The following FTCDNL1 variants were observed in gnomAD, a reference collection of about 807,000 sequenced individuals.
FTCDNL1 encodes formiminotransferase N-terminal subdomain-containing protein.
A neutral mutation model predicts 5.9 loss-of-function variants in FTCDNL1; 11 were observed. The observed-to-expected ratio is 1.87, with a 90% CI of 1.18 to 3.10. FTCDNL1 has a LOEUF of 3.10. FTCDNL1 is among the 30% of genes most tolerant of loss of function. The probability of loss-of-function intolerance (pLI) is 0.00; values close to 1 mark genes in which losing one functional copy is unlikely to be tolerated. For missense variants in FTCDNL1, 115 were observed against 65.5 expected (o/e 1.76, Z -2.61); for synonymous variants, 58 against 24.8 (o/e 2.34, Z -3.99).
the FTCDNL1 span, among the ~76,000 whole-genome samples, chr2:199,709,734 A>G: frequency 6.6e-6 from 1 of 152,128 alleles, no homozygotes; most frequent in African/African-American, 2.4e-5. Context: ...GAGGTGAGAA[A>G]GCAGAGACAA....
At chr2:199,678,819 A>G in the FTCDNL1 span, among the ~76,000 whole-genome samples, 2 of 152,040 alleles carry the variant, frequency 1.3e-5, no homozygotes, top group African/African-American at 4.8e-5. Flanking sequence ...ACATATTATA[A>G]CTCATTTAAT....
At chr2:199,710,078 A>T in the FTCDNL1 span, among the ~76,000 whole-genome samples, 1 of 152,138 alleles carries the variant, frequency 6.6e-6, no homozygotes, top group Non-Finnish European at 1.5e-5. Flanking sequence ...TGGCAAAAAA[A>T]TTGAGTTGCC....
At chr2:199,748,190 GA>G in the FTCDNL1 span, among the ~76,000 whole-genome samples, 1 of 152,146 alleles carries the variant, frequency 6.6e-6, no homozygotes, top group African/African-American at 2.4e-5. Flanking sequence ...CTCCATATAA[GA>G]AAAGGAAACT....
At chr2:199,745,939 G>T in the FTCDNL1 span, among the ~76,000 whole-genome samples, 1 of 152,078 alleles carries the variant, frequency 6.6e-6, no homozygotes, top group African/African-American at 2.4e-5. Flanking sequence ...TTTTTGAAAA[G>T]ACCTAAAAGC....
chr2:199,755,895 T>G (rs1359977759), downstream of FTCDNL1, among the ~76,000 whole-genome samples: 1 of 152,266 alleles, frequency 6.6e-6, no homozygotes, highest in African/African-American at 2.4e-5. Flanking sequence ...TATTAGCTTC[T>G]GTTATTATGA....
At chr2:199,770,243 G>A (rs1450953811) in intron 3 of FTCDNL1, among the ~76,000 whole-genome samples, 2 of 152,150 alleles carry the variant, frequency 1.3e-5, no homozygotes, top group Non-Finnish European at 2.9e-5. Context: ...CTTGAAAAGA[G>A]GTGTGAGTGC....
chr2:199,728,886 CCCAGGTTT>C, the FTCDNL1 span, among the ~76,000 whole-genome samples: 2 of 152,190 alleles, frequency 1.3e-5, no homozygotes, highest in Non-Finnish European at 2.9e-5. Flanking sequence ...GTGCTTATTT[CCCAGGTTT>C]CCAACAGCTT....
intron 3 of FTCDNL1, among the ~76,000 whole-genome samples, chr2:199,778,550 G>A (rs1699204688): frequency 6.6e-6 from 1 of 152,116 alleles, no homozygotes; most frequent in Non-Finnish European, 1.5e-5. Flanking sequence ...CTCCTTCTAG[G>A]GAGCCAGCAG....
At chr2:199,814,062 TAACA>T (rs1701207595) in intron 4 of FTCDNL1, among the ~76,000 whole-genome samples, 1 of 151,102 alleles carries the variant, frequency 6.6e-6, no homozygotes, top group African/African-American at 2.4e-5. Flanking sequence ...TGCTTCAGAG[TAACA>T]AACAGAGCAA....
intron 3 of FTCDNL1, among the ~76,000 whole-genome samples, chr2:199,820,763 T>C (rs1022699877): frequency 6.6e-6 from 1 of 152,216 alleles, no homozygotes; most frequent in East Asian, 1.9e-4. Flanking sequence ...TGGGCTTTTC[T>C]AGATTACTCC....
At chr2:199,812,917 G>A (rs186534255) in intron 4 of FTCDNL1, among the ~76,000 whole-genome samples, 193 bp from the exon 5 acceptor site, 61 of 152,230 alleles carry the variant, frequency 4.0e-4, no homozygotes, top group African/African-American at 1.4e-3. Context: ...TGACAATTCT[G>A]TTATTTTCTT....
chr2:199,752,113 C>T, the FTCDNL1 span, among the ~76,000 whole-genome samples: 1 of 152,062 alleles, frequency 6.6e-6, no homozygotes, highest in South Asian at 2.1e-4. Context: ...CTTCTTATTT[C>T]CCCCAGCTTC....
the FTCDNL1 span, among the ~76,000 whole-genome samples, chr2:199,749,561 T>C: frequency 6.6e-6 from 1 of 152,174 alleles, no homozygotes; most frequent in African/African-American, 2.4e-5. Flanking sequence ...AAAAGAGTAT[T>C]TGCCAGCTAT....
At chr2:199,665,118 T>C in the FTCDNL1 span, among the ~76,000 whole-genome samples, 1 of 152,208 alleles carries the variant, frequency 6.6e-6, no homozygotes, top group Non-Finnish European at 1.5e-5. Context: ...TCCTTCCTTC[T>C]ACTTCTCTTT....
chr2:199,738,136 A>G, the FTCDNL1 span, among the ~76,000 whole-genome samples: 1 of 152,230 alleles, frequency 6.6e-6, no homozygotes, highest in Non-Finnish European at 1.5e-5. Flanking sequence ...ATTTTGAATC[A>G]TTTTAAGAGC....
intron 3 of FTCDNL1, among the ~76,000 whole-genome samples, chr2:199,765,556 A>ATATATATATTTTT: frequency 4.7e-5 from 2 of 42,658 alleles, no homozygotes; most frequent in Admixed American, 4.3e-4. Flanking sequence ...ATATATATAT[A>ATATATATATTTTT]TTTTTTTTTT....
At chr2:199,688,570 G>C in the FTCDNL1 span, among the ~76,000 whole-genome samples, 1 of 152,166 alleles carries the variant, frequency 6.6e-6, no homozygotes, top group Non-Finnish European at 1.5e-5. Context: ...ACAGTTCACA[G>C]GGAAAAGTGG....
At chr2:199,781,376 C>A (rs1699353255) in intron 3 of FTCDNL1, among the ~76,000 whole-genome samples, 1 of 152,164 alleles carries the variant, frequency 6.6e-6, no homozygotes, top group Non-Finnish European at 1.5e-5. Flanking sequence ...CCTTGGAGGT[C>A]ATCTTCCAGA....
intron 3 of FTCDNL1, among the ~76,000 whole-genome samples, chr2:199,825,848 A>G (rs971576678): frequency 1.3e-5 from 2 of 152,204 alleles, no homozygotes; most frequent in Non-Finnish European, 2.9e-5. Flanking sequence ...ATGGACTAAC[A>G]CAGGCAGTGA....
Sources: allele counts gnomAD v4.1 joint callset (sites outside exome capture counted in the v4.1 genomes callset), GRCh38; gene constraint gnomAD v4.1.1; transcripts MANE v1.5; gene names NCBI Gene and HGNC (gene_info 2026-07-23, HGNC 2026-07-21).